The following GLI3 variants were observed in gnomAD, a reference collection of about 807,000 sequenced individuals.
The protein encoded by GLI3 is transcription activator GLI3.
Under a neutral mutation model 100.8 loss-of-function variants are expected in GLI3, and 20 were observed. The ratio of observed to expected loss-of-function variants is 0.20; its 90% CI spans 0.14 to 0.29. The LOEUF is 0.29. Among genes scored for constraint, GLI3 ranks in the 10% least tolerant of loss-of-function variants. The probability of loss-of-function intolerance (pLI) is 1.00; values close to 1 mark genes in which losing one functional copy is unlikely to be tolerated. For missense variants in GLI3, 2,040 were observed against 2,128.5 expected, an observed-to-expected ratio of 0.96 and a Z score of 0.82; for synonymous variants, 938 against 860.5, an observed-to-expected ratio of 1.09 and a Z score of -1.58.
chr7:42,070,540 T>C (rs1262096321), intron 4 of GLI3, among the ~76,000 whole-genome samples: 1 of 152,220 alleles, frequency 6.6e-6, no homozygotes, highest in Admixed American at 6.5e-5. Flanking sequence ...GCTGAGTAAC[T>C]TCTCTATGTC....
At chr7:42,202,300 C>G (rs1788055805) in intron 2 of GLI3, among the ~76,000 whole-genome samples, 2 of 150,868 alleles carry the variant, frequency 1.3e-5, no homozygotes, top group African/African-American at 4.9e-5. Context: ...TCTGACCTCA[C>G]CTGAAATTCA....
rs1186292634 is a variant in GLI3 at position 42,262,209 on chromosome 7, T to TTCCTTCC, written c.-43+1784_-43+1785insGGAAGGA. Among the ~76,000 whole-genome samples, 162 of 110,890 alleles carry TTCCTTCC rather than the reference T, an allele frequency of 1.5e-3. 6 individuals carry two copies. Among genetic ancestry groups the TTCCTTCC allele is most frequent in the South Asian group, 1.5e-3 (5 of 3,366 alleles). The allele number at this position is 110,890 out of a possible 152,430, so 72.7% of individuals were successfully genotyped here. ...TTCTTTTATTTTTTTTCCTTCCTTCTTTCCTTCCTTCCTTCTTTCCTTCCT... is the reference window on the plus strand; with the variant it reads ...TTCTTTTATTTTTTTTCCTTCCTTCTTCCTTCCTTCCTTCCTTCCTTCTTTCCTTCCT... On this transcript the variant is annotated intron_variant, in intron 1 of 2. Coordinates refer to the GLI3 transcript ENST00000678978.
At chr7:42,014,145 T>C (rs542623235) in intron 10 of GLI3, among the ~76,000 whole-genome samples, 5 of 152,222 alleles carry the variant, frequency 3.3e-5, no homozygotes, top group Non-Finnish European at 5.9e-5. Context: ...TTGCCAGGTT[T>C]TGCAAGGCTC....
At chr7:41,979,137 G>T (rs1263688567) in intron 10 of GLI3, among the ~76,000 whole-genome samples, 1 of 152,186 alleles carries the variant, frequency 6.6e-6, no homozygotes, top group Non-Finnish European at 1.5e-5. Context: ...GGCGATTGAG[G>T]CTAAACAACT....
chr7:42,067,758 A>G (rs117886202), intron 4 of GLI3, among the ~76,000 whole-genome samples: 7 of 152,240 alleles, frequency 4.6e-5, no homozygotes, highest in Non-Finnish European at 7.4e-5. Flanking sequence ...GGGACCCTGT[A>G]TGGGGGAACC....
intron 2 of GLI3, among the ~76,000 whole-genome samples, chr7:42,197,689 A>G (rs1787955366): frequency 6.6e-6 from 1 of 152,246 alleles, no homozygotes; most frequent in Non-Finnish European, 1.5e-5. Flanking sequence ...CGGGAGGTAC[A>G]GTTCGCTACT....
In GLI3 at chr7:42,219,071, T is replaced by A. The variant is rs183435922; in HGVS notation, c.124+4059A>T. On this transcript the variant is annotated intron_variant, in intron 2 of 14. Coordinates refer to ENST00000395925, the MANE Select transcript of GLI3 (RefSeq NM_000168.6). ...AACATGTAGCTTATGAAGTAATGCATCTACATCAAAAAGAGATTATTAAGG... is the reference window on the plus strand; with the variant it reads ...AACATGTAGCTTATGAAGTAATGCAACTACATCAAAAAGAGATTATTAAGG... 1.9e-3 allele frequency among the ~76,000 whole-genome samples: 296 copies of A among 152,308 alleles called. 1 individual carries two copies. The highest frequency in any genetic ancestry group is 6.7e-3 in the African/African-American group (278 of 41,568).
rs1562661812 is a variant in GLI3, at chr7:41,968,724, GAAAGAAAGA to G, written c.2104-810_2104-802del. On this transcript the variant is annotated intron_variant, in intron 13 of 14. Coordinates refer to ENST00000395925, the MANE Select transcript of GLI3 (RefSeq NM_000168.6). The stretch of plus-strand genomic sequence containing the variant: ...AAGAAAGAAAGAAAGAAGAAAGAAA[GAAAGAAAGA>G]AAGAAAGAAAGAAAGAAAGAAAGAA... Among the ~76,000 whole-genome samples the G allele has an allele frequency of 4.9e-3, 511 of 104,264 alleles. 5 individuals carry two copies. The highest frequency in any genetic ancestry group is 7.1e-3 in the Non-Finnish European group (382 of 53,516). 68.4% of individuals were successfully genotyped at this position (104,264 alleles called of 152,430 possible). A position where few individuals can be genotyped will look rare whatever the true frequency, so the allele number is the denominator to read the frequency against.
At chr7:42,010,504 A>G (rs1398244862) in intron 10 of GLI3, among the ~76,000 whole-genome samples, 2 of 152,158 alleles carry the variant, frequency 1.3e-5, no homozygotes, top group Non-Finnish European at 2.9e-5. Context: ...TCAGTTATAG[A>G]TGAGCATGTG....
chr7:42,076,745 T>C lies in GLI3; in HGVS notation c.473+7A>G, dbSNP rs557752806. On this transcript the variant is annotated splice_region_variant and intron_variant, in intron 4 of 14. Transcript: ENST00000395925. ...ATTTCATTAATGAAGAAAGTGTTAA[T>C]ACTTACATATGCAATGGAGGAATCG... The C allele has an allele frequency of 4.0e-6, 6 of 1,518,114 alleles. No homozygotes were observed. Among genetic ancestry groups the C allele is most frequent in the East Asian group, 2.3e-5 (1 of 44,440 alleles). 94.0% of individuals were successfully genotyped at this position (1,518,114 alleles called of 1,614,324 possible).
intron 2 of GLI3, among the ~76,000 whole-genome samples, chr7:42,170,602 C>T (rs1485186911): frequency 6.6e-6 from 1 of 151,822 alleles, no homozygotes; most frequent in African/African-American, 2.4e-5. Context: ...CGAGGTTTCA[C>T]CATGTTAGCC....
intron 1 of GLI3, among the ~76,000 whole-genome samples, chr7:42,245,909 A>G (rs1788966050): frequency 1.7e-5 from 2 of 121,064 alleles, no homozygotes; most frequent in South Asian, 2.4e-4. Flanking sequence ...AGAAAAGGAA[A>G]AAAAAAAAAG....
rs115705720 is a variant in GLI3, at chr7:41,976,765, T to A, written c.1812+793A>T. On this transcript the variant is annotated intron_variant, in intron 12 of 14. Transcript: ENST00000395925. ...TCCTTTTGTTAATCTCTCAATACAT[T>A]CAAGAGAAGATTTCACAGACAAGCC... 4.9e-3 allele frequency among the ~76,000 whole-genome samples: 743 copies of A among 152,298 alleles called. 6 individuals carry two copies. Among genetic ancestry groups the A allele is most frequent in the African/African-American group, 0.016 (682 of 41,548 alleles).
intron 2 of GLI3, among the ~76,000 whole-genome samples, chr7:42,219,744 ACT>A (rs1246706065): frequency 6.6e-6 from 1 of 152,054 alleles, no homozygotes; most frequent in Non-Finnish European, 1.5e-5. Flanking sequence ...CTCACCAATA[ACT>A]CAGCCAGTAA....
intron 9 of GLI3, among the ~76,000 whole-genome samples, chr7:42,024,168 T>C (rs190688489): frequency 2.3e-4 from 35 of 152,310 alleles, no homozygotes; most frequent in South Asian, 1.2e-3. Context: ...TAATGCCCTC[T>C]CGATTCAACC....
chr7:42,188,002 C>CAAAAA (rs56140906), intron 2 of GLI3, among the ~76,000 whole-genome samples: 4 of 85,314 alleles, frequency 4.7e-5, no homozygotes, highest in African/African-American at 5.3e-5. Flanking sequence ...GACTCCATCT[C>CAAAAA]AAAAAAAAAA....
At chr7:42,207,716 TA>T (rs1788183689) in intron 2 of GLI3, among the ~76,000 whole-genome samples, 1 of 152,194 alleles carries the variant, frequency 6.6e-6, no homozygotes, top group South Asian at 2.1e-4. Flanking sequence ...AAAATGATCC[TA>T]GCATATGGTT....
intron 3 of GLI3, 89 bp downstream of exon 3, chr7:42,148,131 GCGCGCA>G (rs1158976661): frequency 1.5e-5 from 18 of 1,181,898 alleles, no homozygotes; most frequent in Non-Finnish European, 1.9e-5. Context: ...ACTTCATAAA[GCGCGCA>G]CACACACACA....
chr7:42,198,758 GCA>G (rs142043320), intron 2 of GLI3, among the ~76,000 whole-genome samples: 2 of 151,308 alleles, frequency 1.3e-5, no homozygotes, highest in East Asian at 1.9e-4. Flanking sequence ...AGATGCATAT[GCA>G]CACACACACA....
Sources: gnomAD v4.1 joint callset for allele counts (sites outside exome capture counted in the v4.1 genomes callset) on GRCh38, gnomAD v4.1.1 for gene constraint, MANE v1.5 for transcripts, NCBI Gene and HGNC (gene_info 2026-07-23, HGNC 2026-07-21) for gene names.